TENM3: variants seen among roughly 807,000 people sequenced by gnomAD.
TENM3 encodes the protein teneurin-3.
Under a neutral mutation model 255.1 loss-of-function variants are expected in TENM3, and 63 were observed. The observed-to-expected ratio is 0.25, with a 90% CI of 0.20 to 0.30. TENM3 has a LOEUF of 0.30. Among genes scored for constraint, TENM3 ranks in the 10% least tolerant of loss-of-function variants. The pLI is 1.00. For synonymous variants in TENM3, 1,306 were observed against 1,322.3 expected, an observed-to-expected ratio of 0.99 and a Z score of 0.27; for missense variants, 2,929 against 3,461.1, an observed-to-expected ratio of 0.85 and a Z score of 3.86.
chr4:181,926,596 C>T, the TENM3 span, among the ~76,000 whole-genome samples: 1 of 151,976 alleles, frequency 6.6e-6, no homozygotes, highest in Non-Finnish European at 1.5e-5. Context: ...GTTTTAAATC[C>T]TGGTCCTTGA....
chr4:182,428,530 T>C (rs1247648288), intron 3 of TENM3, among the ~76,000 whole-genome samples: 1 of 151,636 alleles, frequency 6.6e-6, no homozygotes. Flanking sequence ...GATCATTTTA[T>C]GGATGCCAAT....
chr4:182,246,534 T>A (rs1163938622), intron 1 of TENM3, among the ~76,000 whole-genome samples: 1 of 152,092 alleles, frequency 6.6e-6, no homozygotes, highest in Admixed American at 6.5e-5. Context: ...GCCGGAGTAG[T>A]AGTTTGAATC....
the TENM3 span, among the ~76,000 whole-genome samples, chr4:181,888,507 TATATATATGTATATATATAC>T: frequency 3.0e-4 from 9 of 30,104 alleles, no homozygotes; most frequent in South Asian, 1.4e-3. Flanking sequence ...TATATATATA[TATATATATGTATATATATAC>T]ATATATGTGT....
chr4:182,513,773 C>T (rs890370253), intron 3 of TENM3, among the ~76,000 whole-genome samples: 2 of 152,150 alleles, frequency 1.3e-5, no homozygotes, highest in Non-Finnish European at 2.9e-5. Flanking sequence ...ATAACTCGCC[C>T]ACAAGTGCAC....
Position 182,688,246 on chromosome 4 carries a change from G to A in TENM3, c.2116G>A (p.Ala706Thr), listed in dbSNP as rs756543247. 3.7e-6 allele frequency: 6 copies of A among 1,614,000 alleles called. No homozygotes were observed. The highest frequency in any genetic ancestry group is 5.1e-6 in the Non-Finnish European group (6 of 1,179,874). ...CTGTGAAGAAGGCTGGACGGGCCCA[G>A]CCTGTAATCAGAGAGCCTGCCACCC... ...CRCEEGWTGP[A>T]CNQRACHPRC... The change falls in exon 12 of 28, where the codon GCC becomes ACC. Residue 706 changes from alanine to threonine, a missense_variant. Ala to Thr is a moderately conservative substitution (Grantham distance 58). Transcript: ENST00000511685.
At position 182,736,952 on chromosome 4, in the gene TENM3, G is replaced by A. The variant is rs1579293736; in HGVS notation, c.3112G>A (p.Val1038Ile). 1 of 1,613,818 alleles carries A rather than the reference G, an allele frequency of 6.2e-7. No individual in the cohort carries two copies. Among genetic ancestry groups the A allele is most frequent in the Non-Finnish European group, 8.5e-7 (1 of 1,179,828 alleles). ...PFNLMKVHLM[V>I]AVVGRLFQKW... ...TAATTTAATGAAGGTTCATCTTATG[G>A]TAGCTGTAGTAGGAAGACTCTTCCA... Residue 1038 changes from valine to isoleucine, a missense_variant, in exon 17 of 28, where the codon GTA becomes ATA. By Grantham distance (29) the Val-to-Ile change is conservative (BLOSUM62 3). Transcript: ENST00000511685.
At chr4:182,286,070 A>G (rs1237666379) in intron 1 of TENM3, among the ~76,000 whole-genome samples, 3 of 152,076 alleles carry the variant, frequency 2.0e-5, no homozygotes, top group East Asian at 1.9e-4. Context: ...GTACCCCATC[A>G]CAACTATTCT....
At chr4:182,268,272 TGAAACTCAA>T (rs1399643853) in intron 1 of TENM3, among the ~76,000 whole-genome samples, 1 of 152,234 alleles carries the variant, frequency 6.6e-6, no homozygotes, top group Non-Finnish European at 1.5e-5. Context: ...CTCCTTTTGT[TGAAACTCAA>T]GAGTTATAAA....
At chr4:182,132,147 G>T in the TENM3 span, among the ~76,000 whole-genome samples, 1 of 152,180 alleles carries the variant, frequency 6.6e-6, no homozygotes, top group African/African-American at 2.4e-5. Context: ...GCTGAGGTTT[G>T]CAGTAATGTT....
At chr4:182,611,285 G>A (rs1263011446) in intron 4 of TENM3, among the ~76,000 whole-genome samples, 1 of 151,802 alleles carries the variant, frequency 6.6e-6, no homozygotes, top group Non-Finnish European at 1.5e-5. Context: ...TACTAAGCTT[G>A]TGCCTGTTAT....
At chr4:182,335,113 T>A (rs1020968008) in intron 2 of TENM3, among the ~76,000 whole-genome samples, 18 of 152,096 alleles carry the variant, frequency 1.2e-4, no homozygotes, top group African/African-American at 4.3e-4. Context: ...GAAGGCCTTC[T>A]CTACTTTGGA....
At chr4:182,264,306 C>T (rs1041009766) in intron 1 of TENM3, among the ~76,000 whole-genome samples, 2 of 152,306 alleles carry the variant, frequency 1.3e-5, no homozygotes, top group African/African-American at 4.8e-5. Flanking sequence ...GCTGGTTAGT[C>T]GCAAACTTGG....
At chr4:181,699,462 AAAAAAAAAAAG>A in the TENM3 span, among the ~76,000 whole-genome samples, 4 of 147,850 alleles carry the variant, frequency 2.7e-5, no homozygotes, top group African/African-American at 7.5e-5. Context: ...AAAAAAAAAA[AAAAAAAAAAAG>A]AAAGAAAGAA....
At chr4:182,155,137 G>A (rs919301448) in intron 1 of TENM3, among the ~76,000 whole-genome samples, 3 of 152,064 alleles carry the variant, frequency 2.0e-5, no homozygotes, top group African/African-American at 7.2e-5. Flanking sequence ...TTGGCTAATT[G>A]AGTCATTTTA....
chr4:182,600,980 AAGC>A lies in TENM3; in HGVS notation c.573_575del (p.Gln191del), dbSNP rs745531226. On this transcript the variant is annotated inframe_deletion, in exon 4 of 28. Coordinates refer to ENST00000511685, the MANE Select transcript of TENM3 (RefSeq NM_001080477.4). ...CCTGCAGCCCTTGCCGCCTTCCCAT[AAGC>A]AGCACTCTGCACAGCATCATCCATC... 6.2e-6 allele frequency: 10 copies of A among 1,610,146 alleles called. No individual in the cohort carries two copies. The highest frequency in any genetic ancestry group is 8.5e-6 in the Non-Finnish European group (10 of 1,179,366).
At chr4:181,671,204 A>G in the TENM3 span, among the ~76,000 whole-genome samples, 3 of 152,182 alleles carry the variant, frequency 2.0e-5, no homozygotes, top group Non-Finnish European at 4.4e-5. Context: ...TCCAAAAATT[A>G]TGGTCAACTT....
chr4:182,412,924 A>G (rs1400969992), intron 3 of TENM3, among the ~76,000 whole-genome samples: 1 of 151,990 alleles, frequency 6.6e-6, no homozygotes, highest in African/African-American at 2.4e-5. Context: ...AGAATATATA[A>G]TAAAGTACTA....
intron 3 of TENM3, among the ~76,000 whole-genome samples, chr4:182,362,744 T>C (rs1440544749): frequency 1.3e-5 from 2 of 152,164 alleles, no homozygotes; most frequent in Non-Finnish European, 2.9e-5. Context: ...CTGCGCCCAC[T>C]GTCTGGCACT....
the TENM3 span, among the ~76,000 whole-genome samples, chr4:181,870,790 AT>A: frequency 6.6e-6 from 1 of 152,026 alleles, no homozygotes; most frequent in Non-Finnish European, 1.5e-5. Context: ...CTTATGATAA[AT>A]AGGCTTTTTT....
Sources: allele counts gnomAD v4.1 joint callset (sites outside exome capture counted in the v4.1 genomes callset), GRCh38; gene constraint gnomAD v4.1.1; transcripts MANE v1.5; gene names NCBI Gene and HGNC (gene_info 2026-07-23, HGNC 2026-07-21).